Variants in TARBP1 observed in about 807,000 individuals in gnomAD.
TARBP1 encodes the protein tRNA (guanosine(18)-2'-O)-methyltransferase TARBP1.
A neutral mutation model predicts 178.6 loss-of-function variants in TARBP1; 144 were observed. That is an observed-to-expected ratio of 0.81 (90% CI 0.70 to 0.93). The LOEUF (loss-of-function observed/expected upper bound fraction) is 0.93, where lower values mean the gene tolerates loss of function less well. TARBP1 is among the 40% of genes least tolerant of loss of function. TARBP1 has a pLI of 0.00. For synonymous variants in TARBP1, 787 were observed against 781.0 expected (o/e 1.01, Z -0.13); for missense variants, 2,067 against 2,011.7 (o/e 1.03, Z -0.53).
Position 234,450,564 on chromosome 1 carries a change from C to G in TARBP1, c.1725G>C (p.Leu575=), listed in dbSNP as rs1159919276. ...LGRGTSLWTE[L]CDWLRVNESY... ...TTTCATTAACACGTAGCCAGTCACA[C>G]AGCTGGAAAAGAAAACAGTTATTAC... is the stretch of plus-strand genomic sequence containing the variant. The change falls in exon 10 of 30, where the codon CTG becomes CTC. Residue 575 remains leucine, a splice_region_variant and synonymous_variant. Coordinates refer to ENST00000040877, the MANE Select transcript of TARBP1 (RefSeq NM_005646.4). 3.7e-6 allele frequency: 6 copies of G among 1,607,354 alleles called. No individual in the cohort carries two copies. The highest frequency in any genetic ancestry group is 5.1e-6 in the Non-Finnish European group (6 of 1,178,022).
At chr1:234,477,173 G>A (rs1419884327) in intron 1 of TARBP1, among the ~76,000 whole-genome samples, 1 of 150,954 alleles carries the variant, frequency 6.6e-6, no homozygotes, top group Non-Finnish European at 1.5e-5. Flanking sequence ...CAACAAGACC[G>A]AAACTCCATA....
At chr1:234,425,171 G>A (rs1043899307) in intron 20 of TARBP1, among the ~76,000 whole-genome samples, 3 of 152,088 alleles carry the variant, frequency 2.0e-5, no homozygotes, top group African/African-American at 7.2e-5. Flanking sequence ...GTTGCAGTGA[G>A]CCGAGATCCC....
At chr1:234,423,388 C>T (rs1026962536) in intron 20 of TARBP1, among the ~76,000 whole-genome samples, 3 of 152,166 alleles carry the variant, frequency 2.0e-5, no homozygotes, top group Non-Finnish European at 2.9e-5. Context: ...TATCTCCCAT[C>T]TTTAAAAAGC....
chr1:234,448,892 T>A (rs1347466510), intron 10 of TARBP1, among the ~76,000 whole-genome samples: 1 of 151,858 alleles, frequency 6.6e-6, no homozygotes, highest in Non-Finnish European at 1.5e-5. Flanking sequence ...CATAGAAAAA[T>A]GCAATTATAG....
chr1:234,401,796 G>C (rs1660698540), intron 24 of TARBP1, among the ~76,000 whole-genome samples: 1 of 152,178 alleles, frequency 6.6e-6, no homozygotes, highest in Non-Finnish European at 1.5e-5. Context: ...TGACCAGTGT[G>C]TCTTCTTCAC....
At position 234,478,432 on chromosome 1, in the gene TARBP1, G is replaced by A. The variant is rs1669788716; in HGVS notation, c.672C>T (p.Gly224=). The A allele has an allele frequency of 2.2e-6, 3 of 1,387,494 alleles. No individual in the cohort carries two copies. Among genetic ancestry groups the A allele is most frequent in the Non-Finnish European group, 2.8e-6 (3 of 1,066,812 alleles). The allele number at this position is 1,387,494 out of a possible 1,614,324, so 85.9% of individuals were successfully genotyped here. The change falls in exon 1 of 30, where the codon GGC becomes GGT. Residue 224 remains glycine (G), a synonymous_variant. Coordinates refer to ENST00000040877, the MANE Select transcript of TARBP1 (RefSeq NM_005646.4). ...GGACCAGCAGCTTCTCCTCTACGCG[G>A]CCGGACCCCAGGGACGCCCCAGGCG... ...LAAPGASLGS[G]RVEEKLLVLS...
rs187905091 is a variant in TARBP1 at position 234,462,472 on chromosome 1, C to T, written c.1399+1365G>A. ...TTGGGAGGCCGAGGTGGGCAGATCA[C>T]GAGGTCAAAACATCGAGACCATACT... On this transcript the variant is annotated intron_variant, in intron 6 of 29. Transcript: ENST00000040877. 9.2e-4 allele frequency among the ~76,000 whole-genome samples: 140 copies of T among 152,220 alleles called. 1 individual carries two copies. The highest frequency in any genetic ancestry group is 6.8e-3 in the Middle Eastern group (2 of 294).
chr1:234,432,463 G>T (rs1391441689), intron 14 of TARBP1, among the ~76,000 whole-genome samples: 1 of 151,888 alleles, frequency 6.6e-6, no homozygotes, highest in Non-Finnish European at 1.5e-5. Context: ...TATAGGAAAA[G>T]ATATATATGC....
Position 234,393,392 on chromosome 1 carries a change from G to C in TARBP1, c.4530C>G (p.Val1510=), listed in dbSNP as rs1659600761. 1 of 1,601,610 alleles carries C rather than the reference G, an allele frequency of 6.2e-7. No homozygotes were observed. The highest frequency in any genetic ancestry group is 2.2e-5 in the East Asian group (1 of 44,836). The change falls in exon 28 of 30, where the codon GTC becomes GTG. Residue 1510 remains valine, a synonymous_variant. Coordinates refer to ENST00000040877, the MANE Select transcript of TARBP1 (RefSeq NM_005646.4). ...CTAGAGGAAGCCACTGTTCTGCAGA[G>C]ACACTGAGGTGCTGAAACTGTTTGT... ...ISDKQFQHLS[V]SAEQWLPLVE... is the part of the protein sequence containing the mutation.
chr1:234,421,270 G>A (rs1411706858), intron 20 of TARBP1, among the ~76,000 whole-genome samples: 2 of 152,070 alleles, frequency 1.3e-5, no homozygotes, highest in African/African-American at 4.8e-5. Flanking sequence ...TGTATTTTTA[G>A]TAGAGATGGG....
At chr1:234,394,715 C>A (rs1055520616) in intron 26 of TARBP1, among the ~76,000 whole-genome samples, 1 of 152,192 alleles carries the variant, frequency 6.6e-6, no homozygotes. Flanking sequence ...CAGACAGCAG[C>A]AAGTACCTTG....
intron 12 of TARBP1, among the ~76,000 whole-genome samples, chr1:234,438,832 CCAGA>C (rs1466505034): frequency 6.6e-6 from 1 of 152,022 alleles, no homozygotes; most frequent in Non-Finnish European, 1.5e-5. Context: ...AAATTTATGC[CCAGA>C]CAAAGGGCAA....
At chr1:234,473,169 A>G (rs1483794405) in intron 1 of TARBP1, among the ~76,000 whole-genome samples, 2 of 152,238 alleles carry the variant, frequency 1.3e-5, no homozygotes, top group South Asian at 2.1e-4. Flanking sequence ...TGAAAATCAG[A>G]TGAAAACCAA....
At chr1:234,449,601 A>G (rs1462832231) in intron 10 of TARBP1, among the ~76,000 whole-genome samples, 1 of 152,238 alleles carries the variant, frequency 6.6e-6, no homozygotes, top group East Asian at 1.9e-4. Context: ...TACTAGACAC[A>G]GACAGACCAA....
chr1:234,451,766 A>AAAAAACAAAAAAAAAACAAAAAAAC (rs57636903), intron 9 of TARBP1, among the ~76,000 whole-genome samples: 1 of 17,166 alleles, frequency 5.8e-5, no homozygotes, highest in Non-Finnish European at 8.8e-5. Flanking sequence ...AAAAAAAAAA[A>AAAAAACAAAAAAAAAACAAAAAAAC]TGATGAATGA....
chr1:234,398,882 G>A (rs1486186967), intron 25 of TARBP1, among the ~76,000 whole-genome samples: 2 of 152,176 alleles, frequency 1.3e-5, no homozygotes, highest in Admixed American at 1.3e-4. Flanking sequence ...TTGGATAAGT[G>A]CAATTTACTG....
At chr1:234,433,035 C>T (rs1664628865) in intron 14 of TARBP1, among the ~76,000 whole-genome samples, 2 of 152,070 alleles carry the variant, frequency 1.3e-5, no homozygotes, top group Admixed American at 1.3e-4. Context: ...GTCAGGAGTT[C>T]GAGACTAGCC....
chr1:234,475,194 G>A (rs1669463718), intron 1 of TARBP1, among the ~76,000 whole-genome samples: 1 of 152,192 alleles, frequency 6.6e-6, no homozygotes, highest in African/African-American at 2.4e-5. Flanking sequence ...CAGGGCAGCA[G>A]GACTAACTAG....
Position 234,406,017 on chromosome 1 carries a change from A to G in TARBP1, c.3875T>C (p.Val1292Ala), listed in dbSNP as rs1661202213. The G allele has an allele frequency of 1.9e-6, 3 of 1,614,114 alleles. No homozygotes were observed. Among genetic ancestry groups the G allele is most frequent in the Non-Finnish European group, 2.5e-6 (3 of 1,180,034 alleles). Residue 1292 changes from valine (V) to alanine (A), a missense_variant, in exon 24 of 30, where the codon GTT becomes GCT. Val to Ala is a moderately conservative substitution (Grantham distance 64). Transcript: ENST00000040877. Reference sequence around the variant, plus strand: ...CACAGTCCAGAGTTTCTTAAGAGCAACTAAAGCATACAGTCGAACACTAAA... The same window carrying G: ...CACAGTCCAGAGTTTCTTAAGAGCAGCTAAAGCATACAGTCGAACACTAAA... Reference protein sequence around the residue: ...HNFSVRLYALVALKKLWTVCK... With the variant: ...HNFSVRLYALAALKKLWTVCK...
Sources: gnomAD v4.1 joint callset for allele counts (sites outside exome capture counted in the v4.1 genomes callset) on GRCh38, gnomAD v4.1.1 for gene constraint, MANE v1.5 for transcripts, NCBI Gene and HGNC (gene_info 2026-07-23, HGNC 2026-07-21) for gene names.